APBA1: variants seen among roughly 807,000 people sequenced by gnomAD.
APBA1 encodes amyloid-beta A4 precursor protein-binding family A member 1.
APBA1 carries 55 observed loss-of-function variants against 86.6 expected under a neutral mutation model. The ratio of observed to expected loss-of-function variants is 0.64; its 90% CI spans 0.51 to 0.80. APBA1 has a LOEUF of 0.80. APBA1 is among the 30% of genes least tolerant of loss of function. The probability of loss-of-function intolerance (pLI) is 0.00; values close to 1 mark genes in which losing one functional copy is unlikely to be tolerated. For synonymous variants in APBA1, 511 were observed against 493.9 expected (o/e 1.03, Z -0.46); for missense variants, 1,090 against 1,183.0 (o/e 0.92, Z 1.15).
chr9:69,455,335 G>A (rs1456177633), intron 8 of APBA1, among the ~76,000 whole-genome samples: 2 of 152,042 alleles, frequency 1.3e-5, no homozygotes, highest in Non-Finnish European at 2.9e-5. Flanking sequence ...AATTACTATA[G>A]GGCTGTGGCC....
rs1329190535 is a variant in APBA1, at chr9:69,429,481, C to G, written c.*1846G>C. The G allele has an allele frequency of 6.6e-6, 1 of 152,274 alleles. No individual in the cohort carries two copies. Among genetic ancestry groups the G allele is most frequent in the Admixed American group, 6.5e-5 (1 of 15,268 alleles). The allele number at this position is 152,274 out of a possible 1,614,324, so 9.4% of individuals were successfully genotyped here. A position where few individuals can be genotyped will look rare whatever the true frequency, so the allele number is the denominator to read the frequency against. ...TCTCTGCAGCAGCAGAAGTCCCTTTCCCCCCAGGGCACCTGGGCAGCCAGC... is the reference window on the plus strand; with the variant it reads ...TCTCTGCAGCAGCAGAAGTCCCTTTGCCCCCAGGGCACCTGGGCAGCCAGC... On this transcript the variant is annotated 3_prime_UTR_variant, in exon 13 of 13. Coordinates refer to ENST00000265381, the MANE Select transcript of APBA1 (RefSeq NM_001163.4).
intron 1 of APBA1, among the ~76,000 whole-genome samples, chr9:69,596,409 T>C (rs7860931): frequency 0.18 from 26,981 of 152,206 alleles, 2,535 homozygotes; most frequent in South Asian, 0.3. Flanking sequence ...TTCATTATGA[T>C]GAGATTTAGC....
At position 69,428,601 on chromosome 9, in the gene APBA1, C is replaced by G. The variant is rs1174100484; in HGVS notation, c.*2726G>C. 6.6e-6 allele frequency: 1 copy of G among 152,202 alleles called. No individual in the cohort carries two copies. The highest frequency in any genetic ancestry group is 2.4e-5 in the African/African-American group (1 of 41,454). The allele number at this position is 152,202 out of a possible 1,614,324, so 9.4% of individuals were successfully genotyped here. A position where few individuals can be genotyped will look rare whatever the true frequency, so the allele number is the denominator to read the frequency against. Reference sequence around the variant, plus strand: ...TGTGCCCTCACAGCGTTTGGGAAGGCTGCCCTGTACATAGCCTTCCCATTA... The same window carrying G: ...TGTGCCCTCACAGCGTTTGGGAAGGGTGCCCTGTACATAGCCTTCCCATTA... On this transcript the variant is annotated 3_prime_UTR_variant, in exon 13 of 13. Coordinates refer to ENST00000265381, the MANE Select transcript of APBA1 (RefSeq NM_001163.4).
chr9:69,458,130 A>G (rs79530538), intron 6 of APBA1, 26 bp downstream of exon 6: 1 of 1,597,896 alleles, frequency 6.3e-7, no homozygotes, highest in Admixed American at 1.8e-5. Context: ...CATAACACCA[A>G]GCTGATGAAG....
chr9:69,617,035 C>A (rs1822714680), intron 1 of APBA1, among the ~76,000 whole-genome samples: 1 of 152,170 alleles, frequency 6.6e-6, no homozygotes, highest in Non-Finnish European at 1.5e-5. Context: ...CTTACACACA[C>A]ACACACATAT....
chr9:69,486,586 G>A (rs111882548), intron 2 of APBA1, among the ~76,000 whole-genome samples: 35 of 152,154 alleles, frequency 2.3e-4, no homozygotes, highest in African/African-American at 7.2e-4. Context: ...GAGGGGAGGG[G>A]TGTGCATCAG....
At chr9:69,644,425 A>G (rs1212321598) in intron 1 of APBA1, among the ~76,000 whole-genome samples, 1 of 152,016 alleles carries the variant, frequency 6.6e-6, no homozygotes, top group African/African-American at 2.4e-5. Flanking sequence ...TGTTGACACT[A>G]TTTTTCTCAT....
intron 1 of APBA1, among the ~76,000 whole-genome samples, chr9:69,557,761 T>G (rs1479211354): frequency 6.6e-6 from 1 of 152,234 alleles, no homozygotes; most frequent in African/African-American, 2.4e-5. Context: ...CATTCTCTCC[T>G]GTTTGCCACA....
At chr9:69,563,424 TTCA>T (rs1836977582) in intron 1 of APBA1, among the ~76,000 whole-genome samples, 1 of 152,174 alleles carries the variant, frequency 6.6e-6, no homozygotes, top group African/African-American at 2.4e-5. Flanking sequence ...GAGCACAACT[TTCA>T]TCAAGATCCA....
intron 1 of APBA1, among the ~76,000 whole-genome samples, chr9:69,651,175 A>T (rs921901972): frequency 9.2e-5 from 14 of 152,232 alleles, no homozygotes; most frequent in African/African-American, 3.4e-4. Flanking sequence ...AAAAATGTAT[A>T]TATGGTTCTC....
At chr9:69,514,416 C>T (rs1274586783) in intron 2 of APBA1, among the ~76,000 whole-genome samples, 1 of 152,100 alleles carries the variant, frequency 6.6e-6, no homozygotes, top group East Asian at 1.9e-4. Context: ...CATGGTGAAA[C>T]CCCACTCCTA....
At chr9:69,583,713 C>G (rs528171282) in intron 1 of APBA1, among the ~76,000 whole-genome samples, 1 of 152,298 alleles carries the variant, frequency 6.6e-6, no homozygotes, top group East Asian at 1.9e-4. Flanking sequence ...TCATGAGAAG[C>G]CTTAGATAGC....
intron 1 of APBA1, among the ~76,000 whole-genome samples, chr9:69,640,185 T>TACAC (rs928094076): frequency 6.6e-6 from 1 of 152,122 alleles, no homozygotes; most frequent in Non-Finnish European, 1.5e-5. Flanking sequence ...AGCCATTACT[T>TACAC]ACACACACAC....
rs548769326 is a variant in APBA1 at position 69,445,801 on chromosome 9, C to T, written c.2181+3783G>A. Among the ~76,000 whole-genome samples the T allele has an allele frequency of 3.3e-5, 5 of 152,276 alleles. No individual in the cohort carries two copies. In the South Asian group the frequency reaches 1.0e-3, roughly 32 times the overall value. The stretch of plus-strand genomic sequence containing the variant: ...TGTAACCTGGGGGGACAATAGTCAA[C>T]CAGTATTGAAGTGGCCAGATGCAGA... On this transcript the variant is annotated intron_variant, in intron 10 of 12. Coordinates refer to ENST00000265381, the MANE Select transcript of APBA1 (RefSeq NM_001163.4).
At chr9:69,557,419 T>C (rs1240068203) in intron 1 of APBA1, among the ~76,000 whole-genome samples, 2 of 152,198 alleles carry the variant, frequency 1.3e-5, no homozygotes, top group Admixed American at 1.3e-4. Context: ...CTCCTGGCAA[T>C]GAAGAACAAT....
At chr9:69,486,195 G>A (rs1285792130) in intron 2 of APBA1, among the ~76,000 whole-genome samples, 3 of 151,896 alleles carry the variant, frequency 2.0e-5, no homozygotes, top group African/African-American at 4.8e-5. Flanking sequence ...CAAGTGATCC[G>A]CCCGCCTTGG....
intron 1 of APBA1, among the ~76,000 whole-genome samples, chr9:69,585,891 T>A (rs1483654898): frequency 6.6e-6 from 1 of 152,016 alleles, no homozygotes; most frequent in African/African-American, 2.4e-5. Context: ...AAATCCAGCC[T>A]CTCATATGGC....
intron 6 of APBA1, 43 bp downstream of exon 6, chr9:69,458,113 G>A: frequency 1.3e-6 from 2 of 1,548,134 alleles, no homozygotes; most frequent in Admixed American, 2.2e-5. Flanking sequence ...CGAATGAAAA[G>A]AACAGGCATA....
At chr9:69,504,397 G>A (rs942699049) in intron 2 of APBA1, among the ~76,000 whole-genome samples, 3 of 151,950 alleles carry the variant, frequency 2.0e-5, no homozygotes, top group East Asian at 1.9e-4. Flanking sequence ...TTCTCCAAGC[G>A]ACTTTCCATT....
Sources: gnomAD v4.1 joint callset for allele counts (sites outside exome capture counted in the v4.1 genomes callset) on GRCh38, gnomAD v4.1.1 for gene constraint, MANE v1.5 for transcripts, NCBI Gene and HGNC (gene_info 2026-07-23, HGNC 2026-07-21) for gene names.